Variants in CD36 observed in about 807,000 individuals in gnomAD.
CD36 encodes platelet glycoprotein 4.
CD36 carries 119 observed loss-of-function variants against 55.2 expected under a neutral mutation model. That is an observed-to-expected ratio of 2.15 (90% CI 1.86 to 2.51). CD36 has a LOEUF of 2.51. Among genes scored for constraint, CD36 ranks in the 30% most tolerant of loss-of-function variants. CD36 has a pLI of 0.00. For synonymous variants in CD36, 186 were observed against 193.6 expected (o/e 0.96, Z 0.33); for missense variants, 819 against 555.5 (o/e 1.47, Z -4.77).
chr7:80,655,556 A>G (rs1243495699), intron 3 of CD36, among the ~76,000 whole-genome samples: 1 of 152,220 alleles, frequency 6.6e-6, no homozygotes, highest in Non-Finnish European at 1.5e-5. Context: ...GTAATAGGAC[A>G]GCTTCCTTGT....
rs1797638802 is a variant in CD36 at position 80,671,149 on chromosome 7, A to G, written c.991A>G (p.Ser331Gly). The change falls in exon 10 of 15, where the codon AGC becomes GGC. Residue 331 changes from serine (S) to glycine (G), a missense_variant. Transcript: ENST00000447544. ...NCTSYGVLDI[S>G]KCKEGRPVYI... ...TACATCATATGGTGTGCTAGACATC[A>G]GCAAATGCAAAGAAGGTGAGTAAAT... 15 of 1,609,840 alleles carry G rather than the reference A, an allele frequency of 9.3e-6. No individual in the cohort carries two copies. Among genetic ancestry groups the G allele is most frequent in the Non-Finnish European group, 1.3e-5 (15 of 1,177,036 alleles).
rs113887411 is a variant in CD36 at position 80,663,097 on chromosome 7, A to G, written c.537A>G (p.Leu179=). The change falls in exon 6 of 15, where the codon TTA becomes TTG. Residue 179 remains leucine (L), a synonymous_variant. Transcript: ENST00000447544. ...MFQVRTLREL[L]WGYRDPFLSL... is the part of the protein sequence containing the mutation. Reference sequence around the variant, plus strand: ...AAGTCAGAACTTTGAGAGAACTGTTATGGGGCTATAGGGATCCATTTTTGA... The same window carrying G: ...AAGTCAGAACTTTGAGAGAACTGTTGTGGGGCTATAGGGATCCATTTTTGA... 1.4e-5 allele frequency: 23 copies of G among 1,613,612 alleles called. No individual in the cohort carries two copies. In the African/African-American group the frequency reaches 1.7e-4, roughly 12 times the overall value.
intron 4 of CD36, among the ~76,000 whole-genome samples, chr7:80,657,164 C>T (rs1282472526): frequency 6.6e-6 from 1 of 152,094 alleles, no homozygotes; most frequent in Admixed American, 6.5e-5. Context: ...CCAGCTGCAT[C>T]AGCATTAACA....
At chr7:80,646,345 G>A (rs539977067) in intron 2 of CD36, 164 bp downstream of exon 2, 36 of 265,224 alleles carry the variant, frequency 1.4e-4, no homozygotes, top group Middle Eastern at 1.4e-3. Context: ...CTGAGACAAG[G>A]GAAGAGAGAT....
At chr7:80,609,242 T>A (rs777517608) in intron 1 of CD36, among the ~76,000 whole-genome samples, 2 of 152,244 alleles carry the variant, frequency 1.3e-5, no homozygotes, top group African/African-American at 4.8e-5. Context: ...CCAAAACTCA[T>A]ACACTGTACC....
intron 1 of CD36, among the ~76,000 whole-genome samples, chr7:80,613,140 T>A (rs1281070312): frequency 6.6e-6 from 1 of 152,058 alleles, no homozygotes; most frequent in Non-Finnish European, 1.5e-5. Flanking sequence ...AAAAAGTATC[T>A]TTTCTTTATG....
intron 7 of CD36, among the ~76,000 whole-genome samples, chr7:80,665,202 T>C (rs1378522554): frequency 1.3e-5 from 2 of 151,894 alleles, no homozygotes; most frequent in Non-Finnish European, 2.9e-5. Flanking sequence ...TTATTTCCTT[T>C]TTTTTTTTCT....
At chr7:80,642,684 G>A (rs948373231) in intron 1 of CD36, among the ~76,000 whole-genome samples, 2 of 152,112 alleles carry the variant, frequency 1.3e-5, no homozygotes, top group Non-Finnish European at 2.9e-5. Flanking sequence ...CACGTATTTT[G>A]CCTATTCTTA....
intron 1 of CD36, among the ~76,000 whole-genome samples, chr7:80,639,647 G>T (rs1794679577): frequency 6.6e-6 from 1 of 151,920 alleles, no homozygotes. Context: ...GTAAAGATTT[G>T]CATGTACTTT....
Position 80,625,510 on chromosome 7 carries a change from C to T in CD36, c.-183-20578C>T, listed in dbSNP as rs1378699965. On this transcript the variant is annotated intron_variant, in intron 1 of 13. Coordinates refer to the CD36 transcript ENST00000309881. ...TGTTTATAGATATGAAATGCTAATG[C>T]ATGCTCATTCAAAAAATCATAACCT... Among the ~76,000 whole-genome samples, 4 of 152,120 alleles carry T rather than the reference C, an allele frequency of 2.6e-5. No individual in the cohort carries two copies. The East Asian group carries it at 5.8e-4, about 22-fold the overall frequency.
intron 1 of CD36, among the ~76,000 whole-genome samples, chr7:80,630,611 G>A (rs1341900987): frequency 6.6e-6 from 1 of 152,060 alleles, no homozygotes; most frequent in East Asian, 1.9e-4. Flanking sequence ...GAAATGGTGT[G>A]GTTTCCATGT....
intron 1 of CD36, among the ~76,000 whole-genome samples, chr7:80,603,332 AG>A (rs1354771364): frequency 3.3e-5 from 5 of 152,162 alleles, no homozygotes; most frequent in African/African-American, 1.2e-4. Flanking sequence ...TTTACAAAAA[AG>A]GTCACTTTCT....
rs1436559204 is a variant in CD36 at position 80,671,333 on chromosome 7, T to TTAAAG, written c.1006+173_1006+177dup. ...ATCCTTTAGCAACCAAAATTTAAAA[T>TTAAAG]TAAAGTAAGAAAGTAATTAGGGCAG... is the stretch of plus-strand genomic sequence containing the variant. On this transcript the variant is annotated intron_variant, in intron 10 of 14. Coordinates refer to ENST00000447544, the MANE Select transcript of CD36 (RefSeq NM_001001548.3). Among the ~76,000 whole-genome samples, 9 of 152,200 alleles carry TTAAAG rather than the reference T, an allele frequency of 5.9e-5. No homozygotes were observed. The East Asian group carries it at 1.7e-3, about 29-fold the overall frequency.
intron 1 of CD36, among the ~76,000 whole-genome samples, chr7:80,632,430 C>T (rs146974876): frequency 7.2e-5 from 11 of 152,100 alleles, no homozygotes; most frequent in African/African-American, 2.6e-4. Flanking sequence ...TATACACATG[C>T]ATATCTGCAT....
At chr7:80,643,000 A>T (rs955447948) in intron 1 of CD36, among the ~76,000 whole-genome samples, 1 of 152,176 alleles carries the variant, frequency 6.6e-6, no homozygotes, top group Non-Finnish European at 1.5e-5. Flanking sequence ...AGACAGAGCT[A>T]GGCAGTACCC....
chr7:80,676,580 C>T lies in CD36; in HGVS notation c.*197C>T, dbSNP rs1475521389. The T allele has an allele frequency of 1.3e-5, 2 of 152,162 alleles. No individual in the cohort carries two copies. The highest frequency in any genetic ancestry group is 6.6e-5 in the Admixed American group (1 of 15,266). The allele number at this position is 152,162 out of a possible 1,614,324, so 9.4% of individuals were successfully genotyped here. On this transcript the variant is annotated 3_prime_UTR_variant, in exon 15 of 15. Transcript: ENST00000447544. ...AGTCTCCAGGACCATCAGTATACTG[C>T]ATTTCATGTGCACCAAATATTTTGA...
At position 80,678,587 on chromosome 7, in the gene CD36, A is replaced by ATGG. The variant is rs1387333808; in HGVS notation, c.*2208_*2210dup. ...TTAAGATGTGTATACATGGCCAGGCATGGTGGCTCATGCCTGTAATCCCAG... is the reference window on the plus strand; with the variant it reads ...TTAAGATGTGTATACATGGCCAGGCATGGTGGTGGCTCATGCCTGTAATCCCAG... On this transcript the variant is annotated 3_prime_UTR_variant, in exon 15 of 15. Transcript: ENST00000447544. The ATGG allele has an allele frequency of 6.6e-6, 1 of 152,198 alleles. No individual in the cohort carries two copies. The highest frequency in any genetic ancestry group is 2.4e-5 in the African/African-American group (1 of 41,436). The allele number at this position is 152,198 out of a possible 1,614,324, so 9.4% of individuals were successfully genotyped here.
intron 1 of CD36, among the ~76,000 whole-genome samples, chr7:80,609,054 T>C (rs1792726901): frequency 6.6e-6 from 1 of 152,136 alleles, no homozygotes; most frequent in Non-Finnish European, 1.5e-5. Flanking sequence ...AATTTTGTCA[T>C]GCGCTCCTTC....
intron 5 of CD36, among the ~76,000 whole-genome samples, 159 bp downstream of exon 5, chr7:80,661,369 T>C (rs927068829): frequency 1.3e-5 from 2 of 152,212 alleles, no homozygotes; most frequent in African/African-American, 4.8e-5. Flanking sequence ...ATTTGGAAAG[T>C]GACAAAATCA....
Sources: gnomAD v4.1 joint callset for allele counts (sites outside exome capture counted in the v4.1 genomes callset) on GRCh38, gnomAD v4.1.1 for gene constraint, MANE v1.5 for transcripts, NCBI Gene and HGNC (gene_info 2026-07-23, HGNC 2026-07-21) for gene names.